The following ALOXE3 variants were observed in gnomAD, a reference collection of about 807,000 sequenced individuals.
ALOXE3 encodes the protein hydroperoxide isomerase ALOXE3.
ALOXE3 carries 78 observed loss-of-function variants against 87.5 expected under a neutral mutation model. The observed-to-expected ratio is 0.89, with a 90% CI of 0.74 to 1.08. The LOEUF (loss-of-function observed/expected upper bound fraction) is 1.08. ALOXE3 is among the 50% of genes least tolerant of loss of function. The probability of loss-of-function intolerance (pLI) is 0.00; values close to 1 mark genes in which losing one functional copy is unlikely to be tolerated. For synonymous variants in ALOXE3, 363 were observed against 370.8 expected (o/e 0.98, Z 0.24); for missense variants, 946 against 912.4 (o/e 1.04, Z -0.47).
At chr17:8,096,914 A>G (rs1978579938) in intron 15 of ALOXE3, 108 bp from the exon 16 acceptor site, 1 of 1,284,134 alleles carries the variant, frequency 7.8e-7, no homozygotes, top group Admixed American at 1.9e-5. Flanking sequence ...TAGTAGCACA[A>G]CCCAGTTGCA....
chr17:8,106,595 T>C (rs1037661774), intron 13 of ALOXE3, among the ~76,000 whole-genome samples: 1 of 152,180 alleles, frequency 6.6e-6, no homozygotes, highest in Non-Finnish European at 1.5e-5. Context: ...CCGTAGTTCA[T>C]ATTGCCTATT....
Position 8,117,872 on chromosome 17 carries a change from C to A in ALOXE3, c.119G>T (p.Arg40Leu). The A allele has an allele frequency of 6.2e-6, 10 of 1,611,542 alleles. No homozygotes were observed. Among genetic ancestry groups the A allele is most frequent in the South Asian group, 1.1e-5 (1 of 90,712 alleles). Residue 40 changes from arginine to leucine, a missense_variant, in exon 2 of 16, where the codon CGA (arginine) becomes CTA (leucine). Physicochemically the swap from Arg to Leu is moderately radical, Grantham distance 102 (BLOSUM62 -2). Coordinates refer to ENST00000448843, the MANE Select transcript of ALOXE3 (RefSeq NM_021628.3). ...CGESPKQRLD[R>L]MGRDFAPGSV... ...TCCAGGGGCGAAGTCCCTGCCCATT[C>A]GATCTAGCCGCTGCTTGGGGCTTTC...
rs763736063 is a variant in ALOXE3 at position 8,096,619 on chromosome 17, G to A, written c.*8C>T. On this transcript the variant is annotated 3_prime_UTR_variant, in exon 16 of 16. Coordinates refer to ENST00000448843, the MANE Select transcript of ALOXE3 (RefSeq NM_021628.3). The stretch of plus-strand genomic sequence containing the variant: ...CTTTCTTTCTTCTTGGGTGGTATTT[G>A]GGGGTGGTTAGATGGAGACGCTGTT... 1.7e-6 allele frequency: 2 copies of A among 1,199,436 alleles called. No homozygotes were observed. Among genetic ancestry groups the A allele is most frequent in the South Asian group, 2.4e-5 (2 of 82,890 alleles). The allele number at this position is 1,199,436 out of a possible 1,614,324, so 74.3% of individuals were successfully genotyped here. A position where few individuals can be genotyped will look rare whatever the true frequency, so the allele number is the denominator to read the frequency against.
At chr17:8,096,859 T>C in intron 15 of ALOXE3, 53 bp from the exon 16 acceptor site, 1 of 1,589,438 alleles carries the variant, frequency 6.3e-7, no homozygotes, top group Non-Finnish European at 8.6e-7. Flanking sequence ...GGATGGGGAA[T>C]AACGGAGGAC....
In ALOXE3 at chr17:8,114,557, G is replaced by C. The variant is rs766253079; in HGVS notation, c.607C>G (p.Leu203Val). The stretch of plus-strand genomic sequence containing the variant: ...CGAACATTGGGCTCCATGTACATCA[G>C]GGATGGGATGTCAATTTTCATGGGG... The part of the protein sequence containing the change: ...GFPMKIDIPS[L>V]MYMEPNVRYS... The change falls in exon 6 of 16, where the codon CTG (leucine) becomes GTG (valine). Residue 203 changes from leucine to valine, a missense_variant. Physicochemically the swap from Leu to Val is conservative, Grantham distance 32 (BLOSUM62 1). Transcript: ENST00000448843. The C allele has an allele frequency of 6.2e-7, 1 of 1,614,060 alleles. No individual in the cohort carries two copies. Among genetic ancestry groups the C allele is most frequent in the Admixed American group, 1.7e-5 (1 of 60,018 alleles).
chr17:8,112,061 G>A (rs984783422), intron 7 of ALOXE3, 32 bp downstream of exon 7: 2 of 1,569,678 alleles, frequency 1.3e-6, no homozygotes, highest in African/African-American at 2.7e-5. Flanking sequence ...GATAAGGTGA[G>A]GGGTAGACAT....
chr17:8,102,975 T>G (rs1979016277), intron 15 of ALOXE3, among the ~76,000 whole-genome samples: 1 of 152,216 alleles, frequency 6.6e-6, no homozygotes, highest in Admixed American at 6.5e-5. Context: ...ACAGGCTTCT[T>G]GAAGGCAGGA....
At chr17:8,115,546 T>C in intron 4 of ALOXE3, 61 bp downstream of exon 4, 2 of 1,519,310 alleles carry the variant, frequency 1.3e-6, no homozygotes, top group Middle Eastern at 3.4e-4. Flanking sequence ...TTAGGAACAA[T>C]CTGATTAAGA....
intron 13 of ALOXE3, 108 bp downstream of exon 13, chr17:8,108,360 A>G: frequency 1.4e-6 from 2 of 1,479,982 alleles, no homozygotes; most frequent in Non-Finnish European, 1.8e-6. Context: ...GGATATTAAT[A>G]GTATCTACTT....
At chr17:8,101,187 C>T (rs1978901607) in intron 15 of ALOXE3, among the ~76,000 whole-genome samples, 1 of 152,044 alleles carries the variant, frequency 6.6e-6, no homozygotes, top group African/African-American at 2.4e-5. Flanking sequence ...TCATCATGCC[C>T]ACCTAATTTT....
At chr17:8,118,345 G>A in intron 1 of ALOXE3, 42 bp from the exon 2 acceptor site, 1 of 1,551,750 alleles carries the variant, frequency 6.4e-7, no homozygotes. Flanking sequence ...AGAAAAGGAG[G>A]TAACGCCTGT....
chr17:8,104,063 C>T lies in ALOXE3; in HGVS notation c.1785+52G>A, dbSNP rs182870731. 2.0e-4 allele frequency: 303 copies of T among 1,537,836 alleles called. 3 individuals are homozygous for T. In the East Asian group the frequency reaches 4.1e-3, roughly 21 times the overall value. ...AAGCTCTCAACCCAAATTCAGGCCT[C>T]AAGTCCATTGCTGAGACCTGATGTC... is the stretch of plus-strand genomic sequence containing the variant. On this transcript the variant is annotated intron_variant, in intron 14 of 15. Coordinates refer to ENST00000448843, the MANE Select transcript of ALOXE3 (RefSeq NM_021628.3).
Position 8,110,347 on chromosome 17 carries a change from C to T in ALOXE3, c.1101+38G>A, listed in dbSNP as rs562968496. On this transcript the variant is annotated intron_variant, in intron 9 of 15. Transcript: ENST00000448843. Reference sequence around the variant, plus strand: ...TGGGGCTCCGGGCTGGCGGTTAGCACCTGAGCCCCCATCCCGGGGCGGCGG... The same window carrying T: ...TGGGGCTCCGGGCTGGCGGTTAGCATCTGAGCCCCCATCCCGGGGCGGCGG... 34 of 1,607,642 alleles carry T rather than the reference C, an allele frequency of 2.1e-5. No individual in the cohort carries two copies. In the African/African-American group the frequency reaches 4.4e-4, roughly 21 times the overall value.
rs3027209 is a variant in ALOXE3 at position 8,111,098 on chromosome 17, A to G, written c.957+261T>C. On this transcript the variant is annotated intron_variant, in intron 8 of 15. Transcript: ENST00000448843. Reference sequence around the variant, plus strand: ...TCAAAACAAGGGCAAGCCTTCCTCAAAGATGTCCCTGCAGCCACCCTGCGC... The same window carrying G: ...TCAAAACAAGGGCAAGCCTTCCTCAGAGATGTCCCTGCAGCCACCCTGCGC... 0.33 allele frequency among the ~76,000 whole-genome samples: 49,796 copies of G among 151,994 alleles called. 10,087 individuals are homozygous for G. Among genetic ancestry groups the G allele is most frequent in the African/African-American group, 0.57 (23,418 of 41,446 alleles).
intron 15 of ALOXE3, among the ~76,000 whole-genome samples, chr17:8,101,614 C>A (rs548840822): frequency 8.0e-4 from 122 of 152,210 alleles, no homozygotes; most frequent in African/African-American, 2.9e-3. Flanking sequence ...CCAGGAAGAT[C>A]AAATATGTGG....
At chr17:8,114,382 G>A in intron 6 of ALOXE3, 102 bp downstream of exon 6, 2 of 1,525,580 alleles carry the variant, frequency 1.3e-6, no homozygotes, top group Non-Finnish European at 1.8e-6. Flanking sequence ...GGGGCAGGGA[G>A]AGGGGATACT....
chr17:8,116,320 C>A (rs1174570112), intron 3 of ALOXE3, among the ~76,000 whole-genome samples: 1 of 152,136 alleles, frequency 6.6e-6, no homozygotes, highest in Non-Finnish European at 1.5e-5. Context: ...CCTAGCAGCA[C>A]CTCTCAGGGA....
Position 8,103,335 on chromosome 17 carries a change from T to C in ALOXE3, c.1944A>G (p.Glu648=). 6.2e-7 allele frequency: 1 copy of C among 1,613,762 alleles called. No homozygotes were observed. Residue 648 remains glutamate, a synonymous_variant, in exon 15 of 16, where the codon GAA becomes GAG. Coordinates refer to ENST00000448843, the MANE Select transcript of ALOXE3 (RefSeq NM_021628.3). ...CCCGTATACACACCTGGTCCTTGGG[T>C]TCTTGGCTAACCAACCAGAAGAGGA... The part of the protein sequence containing the change: ...NLLLFWLVSQ[E]PKDQRPLGTY...
intron 2 of ALOXE3, 148 bp from the exon 3 acceptor site, chr17:8,117,128 A>G (rs1980671997): frequency 2.6e-6 from 2 of 771,816 alleles, no homozygotes; most frequent in East Asian, 5.4e-5. Context: ...TATGAATTAG[A>G]AAAAGCTTCC....
Sources: allele counts gnomAD v4.1 joint callset (sites outside exome capture counted in the v4.1 genomes callset), GRCh38; gene constraint gnomAD v4.1.1; transcripts MANE v1.5; gene names NCBI Gene and HGNC (gene_info 2026-07-23, HGNC 2026-07-21).